SEMA3C: variants seen among roughly 807,000 people sequenced by gnomAD.
SEMA3C encodes the protein semaphorin 3C, also known as semaphorin-3C.
Under a neutral mutation model 89.4 loss-of-function variants are expected in SEMA3C, and 47 were observed. The ratio of observed to expected loss-of-function variants is 0.53; its 90% CI spans 0.42 to 0.67. The LOEUF is 0.67. Among genes scored for constraint, SEMA3C ranks in the 30% least tolerant of loss-of-function variants. The probability of loss-of-function intolerance (pLI) is 0.00; values close to 1 mark genes in which losing one functional copy is unlikely to be tolerated. For synonymous variants in SEMA3C, 310 were observed against 320.2 expected (o/e 0.97, Z 0.34); for missense variants, 839 against 929.1 (o/e 0.90, Z 1.26).
intron 2 of SEMA3C, among the ~76,000 whole-genome samples, chr7:80,837,746 A>G (rs1790166439): frequency 6.6e-6 from 1 of 152,204 alleles, no homozygotes; most frequent in Non-Finnish European, 1.5e-5. Flanking sequence ...GCTGTCTCAT[A>G]AAAGCTTTCT....
Position 80,765,220 on chromosome 7 carries a change from C to T in SEMA3C, c.1378G>A (p.Val460Ile). 6.2e-7 allele frequency: 1 copy of T among 1,613,354 alleles called. No homozygotes were observed. Among genetic ancestry groups the T allele is most frequent in the Non-Finnish European group, 8.5e-7 (1 of 1,179,600 alleles). Reference protein sequence around the residue: ...GTDRGTVQKVVVLPTNNSVSG... With the variant: ...GTDRGTVQKVIVLPTNNSVSG... ...ACAGAGTTGTTAGTAGGAAGAACAA[C>T]CACTTTTTGCACAGTACCCCGATCT... is the stretch of plus-strand genomic sequence containing the variant. The change falls in exon 13 of 18, where the codon GTT becomes ATT. Residue 460 changes from valine (V) to isoleucine (I), a missense_variant. Transcript: ENST00000265361.
intron 2 of SEMA3C, among the ~76,000 whole-genome samples, chr7:80,881,202 C>T (rs921678264): frequency 6.6e-6 from 1 of 151,262 alleles, no homozygotes; most frequent in African/African-American, 2.4e-5. Context: ...CACACACACA[C>T]ACACACACTC....
intron 2 of SEMA3C, among the ~76,000 whole-genome samples, chr7:80,855,323 T>C (rs1230511598): frequency 6.6e-6 from 1 of 152,162 alleles, no homozygotes; most frequent in African/African-American, 2.4e-5. Flanking sequence ...AGTGTCTCAC[T>C]CTGCTTCCCA....
At chr7:80,846,001 CT>C (rs1374298612) in intron 2 of SEMA3C, among the ~76,000 whole-genome samples, 2 of 152,130 alleles carry the variant, frequency 1.3e-5, no homozygotes, top group Non-Finnish European at 2.9e-5. Context: ...AATGGACTTT[CT>C]TTTTCTCAAA....
At chr7:80,880,912 G>C (rs568915206) in intron 2 of SEMA3C, among the ~76,000 whole-genome samples, 1 of 152,082 alleles carries the variant, frequency 6.6e-6, no homozygotes, top group African/African-American at 2.4e-5. Flanking sequence ...GTGACAGAGA[G>C]ACACTCTGTC....
rs1788111414 is a variant in SEMA3C at position 80,758,364 on chromosome 7, T to C, written c.1610A>G (p.His537Arg). ...ARDPYCAWDG[H>R]SCSRFYPTGK... ...AGTTGGGTAGAATCTGGAACAGGAATGGCCATCCCAGGCGCAATAAGGGTC... is the reference window on the plus strand; with the variant it reads ...AGTTGGGTAGAATCTGGAACAGGAACGGCCATCCCAGGCGCAATAAGGGTC... Residue 537 changes from histidine to arginine, a missense_variant, in exon 15 of 18, where the codon CAT becomes CGT. Transcript: ENST00000265361. The C allele has an allele frequency of 1.9e-6, 3 of 1,613,908 alleles. No individual in the cohort carries two copies. The highest frequency in any genetic ancestry group is 1.7e-6 in the Non-Finnish European group (2 of 1,179,952).
At chr7:80,900,277 C>G (rs1178573151) in intron 2 of SEMA3C, among the ~76,000 whole-genome samples, 1 of 152,018 alleles carries the variant, frequency 6.6e-6, no homozygotes, top group African/African-American at 2.4e-5. Context: ...CCACGCCTGG[C>G]TAATTTTTTG....
At chr7:80,784,875 C>G (rs1236198008) in intron 12 of SEMA3C, among the ~76,000 whole-genome samples, 1 of 151,942 alleles carries the variant, frequency 6.6e-6, no homozygotes, top group Non-Finnish European at 1.5e-5. Flanking sequence ...GTGTATGTAC[C>G]ATACAGAACA....
intron 2 of SEMA3C, among the ~76,000 whole-genome samples, chr7:80,840,755 T>G (rs1167857629): frequency 6.6e-6 from 1 of 152,088 alleles, no homozygotes; most frequent in African/African-American, 2.4e-5. Context: ...AGGAAGTACT[T>G]GATCTTGTTT....
rs567887177 is a variant in SEMA3C, at chr7:80,841,963, T to A, written c.104-13218A>T. 1.7e-3 allele frequency among the ~76,000 whole-genome samples: 259 copies of A among 152,288 alleles called. 1 individual carries two copies. The highest frequency in any genetic ancestry group is 3.4e-3 in the Middle Eastern group (1 of 294). On this transcript the variant is annotated intron_variant, in intron 2 of 17. Transcript: ENST00000265361. ...AGAACTGCAGAGGACAGTGAAGACA[T>A]GTTCATTTAACTTTAAACACATTTG...
At chr7:80,898,108 T>C (rs1317267942) in intron 2 of SEMA3C, among the ~76,000 whole-genome samples, 1 of 151,878 alleles carries the variant, frequency 6.6e-6, no homozygotes, top group African/African-American at 2.4e-5. Flanking sequence ...TCACCCCCTG[T>C]AATCCTAGCA....
At position 80,828,720 on chromosome 7, in the gene SEMA3C, T is replaced by C. The variant is rs143343261; in HGVS notation, c.129A>G (p.Glu43=). The part of the protein sequence containing the change: ...FDELRETKTS[E]YFSLSHHPLD... ...AAGGATGGTGGGAAAGGCTGAAGTA[T>C]TCAGAGGTCTTGGTTTCTCGAAGTT... is the stretch of plus-strand genomic sequence containing the variant. Residue 43 remains glutamate, a synonymous_variant, in exon 3 of 18, where the codon GAA becomes GAG. Transcript: ENST00000265361. 2.4e-4 allele frequency: 392 copies of C among 1,608,830 alleles called. No homozygotes were observed. Among genetic ancestry groups the C allele is most frequent in the Non-Finnish European group, 3.2e-4 (373 of 1,176,844 alleles).
intron 2 of SEMA3C, among the ~76,000 whole-genome samples, chr7:80,879,726 T>C (rs573879072): frequency 6.6e-6 from 1 of 152,314 alleles, no homozygotes; most frequent in Non-Finnish European, 1.5e-5. Flanking sequence ...ATATATTAGC[T>C]TTTGTTGAGG....
At chr7:80,879,021 T>C (rs934044110) in intron 2 of SEMA3C, among the ~76,000 whole-genome samples, 1 of 152,096 alleles carries the variant, frequency 6.6e-6, no homozygotes, top group Non-Finnish European at 1.5e-5. Flanking sequence ...AGTATTCTAA[T>C]GTGGCAATGA....
chr7:80,921,847 A>G (rs984865330), upstream of SEMA3C, among the ~76,000 whole-genome samples: 2 of 152,166 alleles, frequency 1.3e-5, no homozygotes, highest in African/African-American at 4.8e-5. Flanking sequence ...GAGGAATGCT[A>G]TTTAACTTAA....
At chr7:80,819,645 T>C (rs1345492485) in intron 4 of SEMA3C, among the ~76,000 whole-genome samples, 1 of 152,152 alleles carries the variant, frequency 6.6e-6, no homozygotes, top group East Asian at 1.9e-4. Context: ...ACTCCTTTCT[T>C]CTCTTGTAGA....
intron 2 of SEMA3C, among the ~76,000 whole-genome samples, chr7:80,849,344 A>T (rs1362450951): frequency 3.3e-5 from 5 of 151,932 alleles, no homozygotes; most frequent in Admixed American, 6.5e-5. Flanking sequence ...TGCTGAGTAG[A>T]CAGCTACATA....
intron 15 of SEMA3C, among the ~76,000 whole-genome samples, chr7:80,752,812 T>C (rs563924259): frequency 1.1e-3 from 167 of 152,214 alleles, no homozygotes; most frequent in Non-Finnish European, 1.9e-3. Flanking sequence ...AGTCAGAAGG[T>C]GACTCTTTAA....
Position 80,910,293 on chromosome 7 carries a change from T to C in SEMA3C, c.103+6386A>G, listed in dbSNP as rs1285101646. On this transcript the variant is annotated intron_variant, in intron 2 of 17. Transcript: ENST00000265361. ...ATTTTACAGAAGTAACATATCCCTA[T>C]TGAGAGCTTAAAGACAGCTCATTCT... 3.3e-5 allele frequency among the ~76,000 whole-genome samples: 5 copies of C among 152,240 alleles called. No homozygotes were observed. In the South Asian group the frequency reaches 6.2e-4, roughly 19 times the overall value.
Sources: gnomAD v4.1 joint callset for allele counts (sites outside exome capture counted in the v4.1 genomes callset) on GRCh38, gnomAD v4.1.1 for gene constraint, MANE v1.5 for transcripts, NCBI Gene and HGNC (gene_info 2026-07-23, HGNC 2026-07-21) for gene names.